Variants in ZBTB39 observed in about 807,000 individuals in gnomAD.
The protein encoded by ZBTB39 is zinc finger and BTB domain-containing protein 39.
A neutral mutation model predicts 39.4 loss-of-function variants in ZBTB39; 25 were observed. The ratio of observed to expected loss-of-function variants is 0.63; its 90% CI spans 0.46 to 0.89. The LOEUF is 0.89. Among genes scored for constraint, ZBTB39 ranks in the 40% least tolerant of loss-of-function variants. The probability of loss-of-function intolerance (pLI) is 0.00; values close to 1 mark genes in which losing one functional copy is unlikely to be tolerated. For synonymous variants in ZBTB39, 373 were observed against 359.6 expected, an observed-to-expected ratio of 1.04 and a Z score of -0.42; for missense variants, 891 against 909.7, an observed-to-expected ratio of 0.98 and a Z score of 0.26.
At position 57,003,190 on chromosome 12, in the gene ZBTB39, G is replaced by A. The variant is rs1335866163; in HGVS notation, c.1728C>T (p.His576=). 6.8e-6 allele frequency: 11 copies of A among 1,614,006 alleles called. No homozygotes were observed. The highest frequency in any genetic ancestry group is 9.3e-6 in the Non-Finnish European group (11 of 1,180,010). Reference sequence around the variant, plus strand: ...GCAGCTTCCGCTTCTGGAGAGCTGGGTGCTGCAGCCCAAAACCAGGCCGTG... The same window carrying A: ...GCAGCTTCCGCTTCTGGAGAGCTGGATGCTGCAGCCCAAAACCAGGCCGTG... ...LDARPGFGLQ[H]PALQKRKLPA... The change falls in exon 2 of 2, where the codon CAC becomes CAT. Residue 576 remains histidine, a synonymous_variant. Coordinates refer to ENST00000300101, the MANE Select transcript of ZBTB39 (RefSeq NM_014830.3). This position sits in a 1 kb window ranked among gnomAD's most constrained non-coding sequence, Gnocchi z 4.8.
Position 57,005,015 on chromosome 12 carries a change from G to C in ZBTB39, c.-44-54C>G, listed in dbSNP as rs191960544. The stretch of plus-strand genomic sequence containing the variant: ...GGCCAAACACATCCGTGCAAAAGAG[G>C]GGCTATGCAGGAGAAAATACCATCA... On this transcript the variant is annotated intron_variant, in intron 1 of 1. Coordinates refer to ENST00000300101, the MANE Select transcript of ZBTB39 (RefSeq NM_014830.3). 4.4e-4 allele frequency: 570 copies of C among 1,286,796 alleles called. 2 individuals are homozygous for C. The African/African-American group carries it at 7.9e-3, about 18-fold the overall frequency. The allele number at this position is 1,286,796 out of a possible 1,614,324, so 79.7% of individuals were successfully genotyped here. A position where few individuals can be genotyped will look rare whatever the true frequency, so the allele number is the denominator to read the frequency against.
Position 57,004,095 on chromosome 12 carries a change from A to G in ZBTB39, c.823T>C (p.Ser275Pro). Residue 275 changes from serine (S) to proline (P), a missense_variant, in exon 2 of 2, where the codon TCC (serine) becomes CCC (proline). Ser to Pro is a moderately conservative substitution (Grantham distance 74). Transcript: ENST00000300101. Reference protein sequence around the residue: ...NAVDITTGTNSCLSNSEHSKD... With the variant: ...NAVDITTGTNPCLSNSEHSKD... The stretch of plus-strand genomic sequence containing the variant: ...GAGTGCTCACTATTGCTCAGACAGG[A>G]GTTGGTCCCAGTGGTAATGTCTACT... 1 of 1,614,170 alleles carries G rather than the reference A, an allele frequency of 6.2e-7. No individual in the cohort carries two copies. The highest frequency in any genetic ancestry group is 8.5e-7 in the Non-Finnish European group (1 of 1,180,026).
chr12:56,999,013 TTATTAA>T lies in ZBTB39; in HGVS notation c.*3760_*3765del, dbSNP rs2136406649. The T allele has an allele frequency of 6.5e-6, 1 of 152,762 alleles. No individual in the cohort carries two copies. The highest frequency in any genetic ancestry group is 2.4e-5 in the African/African-American group (1 of 41,576). The allele number at this position is 152,762 out of a possible 1,614,324, so 9.5% of individuals were successfully genotyped here. On this transcript the variant is annotated 3_prime_UTR_variant, in exon 2 of 2. Transcript: ENST00000300101. ...CACTTAAATATTAGGAGGTCAGTAC[TTATTAA>T]TTTAATGGAAGGAGTTAGACGTCAA...
At position 57,003,536 on chromosome 12, in the gene ZBTB39, G is replaced by C; in HGVS notation, c.1382C>G (p.Ala461Gly). 6.2e-7 allele frequency: 1 copy of C among 1,614,118 alleles called. No homozygotes were observed. ...GCCCCGGACCACATGGAAATCTTTG[G>C]CCAATACTTTCCCACAGGCAGCGCA... is the stretch of plus-strand genomic sequence containing the variant. ...LKCAACGKVLAKDFHVVRGHI... is the reference protein window; with the variant it reads ...LKCAACGKVLGKDFHVVRGHI... Residue 461 changes from alanine (A) to glycine (G), a missense_variant, in exon 2 of 2, where the codon GCC (alanine) becomes GGC (glycine). By Grantham distance (60) the Ala-to-Gly change is moderately conservative. Coordinates refer to ENST00000300101, the MANE Select transcript of ZBTB39 (RefSeq NM_014830.3). This position sits in a 1 kb window ranked among gnomAD's most constrained non-coding sequence, Gnocchi z 4.8.
chr12:57,002,851 A>T lies in ZBTB39; in HGVS notation c.2067T>A (p.Pro689=). 1.2e-6 allele frequency: 2 copies of T among 1,614,172 alleles called. No homozygotes were observed. ...HVGVHKGSLP[P]DFTIEQTFMY... ...TGAAGGTCTGCTCGATGGTGAAGTCAGGGGGGAGGCTGCCTTTGTGCACAC... is the reference window on the plus strand; with the variant it reads ...TGAAGGTCTGCTCGATGGTGAAGTCTGGGGGGAGGCTGCCTTTGTGCACAC... The change falls in exon 2 of 2, where the codon CCT becomes CCA. Residue 689 remains proline (P), a synonymous_variant. Transcript: ENST00000300101.
Position 57,003,524 on chromosome 12 carries a change from T to A in ZBTB39, c.1394A>T (p.His465Leu). Reference sequence around the variant, plus strand: ...GTCAAGGATGTGGCCCCGGACCACATGGAAATCTTTGGCCAATACTTTCCC... The same window carrying A: ...GTCAAGGATGTGGCCCCGGACCACAAGGAAATCTTTGGCCAATACTTTCCC... ...ACGKVLAKDF[H>L]VVRGHILDHL... Residue 465 changes from histidine (H) to leucine (L), a missense_variant, in exon 2 of 2, where the codon CAT becomes CTT. Physicochemically the swap from His to Leu is moderately conservative, Grantham distance 99. Coordinates refer to ENST00000300101, the MANE Select transcript of ZBTB39 (RefSeq NM_014830.3). The surrounding 1 kb of genome is among the most constrained non-coding windows in gnomAD (Gnocchi z 4.8). 2 of 1,614,044 alleles carry A rather than the reference T, an allele frequency of 1.2e-6. No individual in the cohort carries two copies. Among genetic ancestry groups the A allele is most frequent in the South Asian group, 1.1e-5 (1 of 91,076 alleles).
rs761316893 is a variant in ZBTB39 at position 57,001,632 on chromosome 12, A to T, written c.*1147T>A. 1.3e-5 allele frequency: 2 copies of T among 152,822 alleles called. No homozygotes were observed. Among genetic ancestry groups the T allele is most frequent in the East Asian group, 3.8e-4 (2 of 5,202 alleles). 9.5% of individuals were successfully genotyped at this position (152,822 alleles called of 1,614,324 possible). ...CCCCTGGAGGTGATGGCAACGACAG[A>T]TCAGGATAAATTCCAGCAGGTCAAA... On this transcript the variant is annotated 3_prime_UTR_variant, in exon 2 of 2. Transcript: ENST00000300101.
chr12:57,003,931 C>T lies in ZBTB39; in HGVS notation c.987G>A (p.Glu329=). ...VIELSDDSED[E]LAFGENDNRE... ...GATTGTCATTCTCTCCAAAAGCCAA[C>T]TCATCCTCACTGTCATCACTCAGCT... Residue 329 remains glutamate, a synonymous_variant, in exon 2 of 2, where the codon GAG becomes GAA. Coordinates refer to ENST00000300101, the MANE Select transcript of ZBTB39 (RefSeq NM_014830.3). The surrounding 1 kb of genome is among the most constrained non-coding windows in gnomAD (Gnocchi z 4.8). 6.2e-7 allele frequency: 1 copy of T among 1,614,238 alleles called. No homozygotes were observed. Among genetic ancestry groups the T allele is most frequent in the Non-Finnish European group, 8.5e-7 (1 of 1,180,042 alleles).
rs890370156 is a variant in ZBTB39 at position 56,999,672 on chromosome 12, G to A, written c.*3107C>T. On this transcript the variant is annotated 3_prime_UTR_variant, in exon 2 of 2. Transcript: ENST00000300101. ...GTGGCATCAGTGAGTCACCCAGTGGGTCACTGGAGTGCCAGGATACTAATC... is the reference window on the plus strand; with the variant it reads ...GTGGCATCAGTGAGTCACCCAGTGGATCACTGGAGTGCCAGGATACTAATC... 1 of 152,174 alleles carries A rather than the reference G, an allele frequency of 6.6e-6. No homozygotes were observed. Among genetic ancestry groups the A allele is most frequent in the Non-Finnish European group, 1.5e-5 (1 of 68,040 alleles). 9.4% of individuals were successfully genotyped at this position (152,174 alleles called of 1,614,324 possible).
chr12:57,003,636 T>C lies in ZBTB39; in HGVS notation c.1282A>G (p.Ile428Val). ...HRRDGIFENN[I>V]IVHPNDPLPG... ...AGGGGATCGTTGGGGTGGACAATGA[T>C]GTTGTTCTCAAATATTCCATCCCGT... is the stretch of plus-strand genomic sequence containing the variant. The change falls in exon 2 of 2, where the codon ATC (isoleucine) becomes GTC (valine). Residue 428 changes from isoleucine to valine, a missense_variant. Ile to Val is a conservative substitution (Grantham distance 29). Transcript: ENST00000300101. This position sits in a 1 kb window ranked among gnomAD's most constrained non-coding sequence, Gnocchi z 4.8. The C allele has an allele frequency of 1.2e-6, 2 of 1,614,166 alleles. No homozygotes were observed. Among genetic ancestry groups the C allele is most frequent in the Non-Finnish European group, 1.7e-6 (2 of 1,180,016 alleles).
At position 57,001,587 on chromosome 12, in the gene ZBTB39, C is replaced by T. The variant is rs779455325; in HGVS notation, c.*1192G>A. On this transcript the variant is annotated 3_prime_UTR_variant, in exon 2 of 2. Transcript: ENST00000300101. ...GCAGCCACCCACGGAGGGCCTGAAC[C>T]AGCTGCCATCCAATAGCGCCCCCTG... 6.5e-6 allele frequency: 1 copy of T among 152,790 alleles called. No homozygotes were observed. Among genetic ancestry groups the T allele is most frequent in the African/African-American group, 2.4e-5 (1 of 41,462 alleles). The allele number at this position is 152,790 out of a possible 1,614,324, so 9.5% of individuals were successfully genotyped here.
Position 57,003,066 on chromosome 12 carries a change from TTG to T in ZBTB39, c.1850_1851del (p.Thr617LysfsTer19). The T allele has an allele frequency of 6.2e-7, 1 of 1,610,942 alleles. No homozygotes were observed. Among genetic ancestry groups the T allele is most frequent in the Non-Finnish European group, 8.5e-7 (1 of 1,178,752 alleles). ...ATCCGCCGGTGGTAGTTGAATTCGC[TTG>T]TGTGGGCAAATCTTTTGCCACAGAC... ...CKVCGKRFAH[T>X]SEFNYHRRIH... On this transcript the variant is annotated frameshift_variant, in exon 2 of 2. Transcript: ENST00000300101. LOFTEE classifies it high-confidence loss of function. The surrounding 1 kb of genome is among the most constrained non-coding windows in gnomAD (Gnocchi z 4.8).
rs769428527 is a variant in ZBTB39 at position 57,003,628 on chromosome 12, GAC to G, written c.1288_1289del (p.Val430ProfsTer43). 6.2e-7 allele frequency: 1 copy of G among 1,614,166 alleles called. No individual in the cohort carries two copies. The highest frequency in any genetic ancestry group is 8.5e-7 in the Non-Finnish European group (1 of 1,180,006). On this transcript the variant is annotated frameshift_variant, in exon 2 of 2. Transcript: ENST00000300101. LOFTEE classifies it high-confidence loss of function. This position sits in a 1 kb window ranked among gnomAD's most constrained non-coding sequence, Gnocchi z 4.8. ...RDGIFENNII[V>X]HPNDPLPGKL... ...TCCCTGGCAGGGGATCGTTGGGGTG[GAC>G]AATGATGTTGTTCTCAAATATTCCA...
rs765584486 is a variant in ZBTB39, at chr12:57,002,933, C to T, written c.1985G>A (p.Arg662His). The T allele has an allele frequency of 1.6e-5, 26 of 1,614,100 alleles. No homozygotes were observed. The highest frequency in any genetic ancestry group is 1.7e-5 in the Non-Finnish European group (20 of 1,180,050). Residue 662 changes from arginine (R) to histidine (H), a missense_variant, in exon 2 of 2, where the codon CGC becomes CAC. By Grantham distance (29) the Arg-to-His change is conservative. Coordinates refer to ENST00000300101, the MANE Select transcript of ZBTB39 (RefSeq NM_014830.3). ...ACTGTAGTGCCCACAGACTGTGCAG[C>T]GGTACATGAGGGCCCCCGAGTGTGT... Reference protein sequence around the residue: ...LKTHSGALMYRCTVCGHYSST... With the variant: ...LKTHSGALMYHCTVCGHYSST...
intron 1 of ZBTB39, among the ~76,000 whole-genome samples, chr12:57,006,131 C>CGCTG (rs1392158090): frequency 6.6e-6 from 1 of 152,100 alleles, no homozygotes; most frequent in African/African-American, 2.4e-5. Context: ...GAGGGAAGGG[C>CGCTG]GCTGCATCGG....
Position 57,002,695 on chromosome 12 carries a change from T to C in ZBTB39, c.*84A>G. The C allele has an allele frequency of 7.4e-7, 1 of 1,345,036 alleles. No individual in the cohort carries two copies. The highest frequency in any genetic ancestry group is 1.4e-5 in the South Asian group (1 of 72,678). 83.3% of individuals were successfully genotyped at this position (1,345,036 alleles called of 1,614,324 possible). ...TTCCTACCAAGGCAAAATTATAACT[T>C]CAGCTGGGGAGGGACCAACACCTCT... On this transcript the variant is annotated 3_prime_UTR_variant, in exon 2 of 2. Transcript: ENST00000300101.
chr12:57,002,069 C>T lies in ZBTB39; in HGVS notation c.*710G>A, dbSNP rs1297897787. The stretch of plus-strand genomic sequence containing the variant: ...AGGAGAAAAGAGAAACCTCTCCTGT[C>T]CATCCAGGCTGCCACTTCTGGTGGC... On this transcript the variant is annotated 3_prime_UTR_variant, in exon 2 of 2. Transcript: ENST00000300101. The T allele has an allele frequency of 6.5e-6, 1 of 152,702 alleles. No individual in the cohort carries two copies. The highest frequency in any genetic ancestry group is 2.4e-5 in the African/African-American group (1 of 41,474). The allele number at this position is 152,702 out of a possible 1,614,324, so 9.5% of individuals were successfully genotyped here. A position where few individuals can be genotyped will look rare whatever the true frequency, so the allele number is the denominator to read the frequency against.
Position 57,002,854 on chromosome 12 carries a change from G to C in ZBTB39, c.2064C>G (p.Pro688=), listed in dbSNP as rs1443678782. The C allele has an allele frequency of 2.5e-6, 4 of 1,614,104 alleles. No homozygotes were observed. Among genetic ancestry groups the C allele is most frequent in the South Asian group, 1.1e-5 (1 of 91,088 alleles). The stretch of plus-strand genomic sequence containing the variant: ...AGGTCTGCTCGATGGTGAAGTCAGG[G>C]GGGAGGCTGCCTTTGTGCACACCAA... ...KHVGVHKGSL[P]PDFTIEQTFM... The change falls in exon 2 of 2, where the codon CCC becomes CCG. Residue 688 remains proline, a synonymous_variant. Coordinates refer to ENST00000300101, the MANE Select transcript of ZBTB39 (RefSeq NM_014830.3).
rs963042597 is a variant in ZBTB39, at chr12:56,998,895, T to C, written c.*3884A>G. ...ACACTTTGTGCTGAACAATGGAATA[T>C]AAAAGAATCAGATGTACAATGATTT... On this transcript the variant is annotated 3_prime_UTR_variant, in exon 2 of 2. Coordinates refer to ENST00000300101, the MANE Select transcript of ZBTB39 (RefSeq NM_014830.3). The C allele has an allele frequency of 3.9e-5, 6 of 152,772 alleles. No individual in the cohort carries two copies. The East Asian group carries it at 5.8e-4, about 15-fold the overall frequency. 9.5% of individuals were successfully genotyped at this position (152,772 alleles called of 1,614,324 possible). A position where few individuals can be genotyped will look rare whatever the true frequency, so the allele number is the denominator to read the frequency against.
Sources: allele counts gnomAD v4.1 joint callset (sites outside exome capture counted in the v4.1 genomes callset), GRCh38; gene constraint gnomAD v4.1.1; non-coding constraint Gnocchi (gnomAD v3.1); transcripts MANE v1.5; gene names NCBI Gene and HGNC (gene_info 2026-07-23, HGNC 2026-07-21).